Variants in STYXL2 observed in about 807,000 individuals in gnomAD.
The protein encoded by STYXL2 is serine/threonine/tyrosine interacting like 2, also known as serine/threonine/tyrosine-interacting-like protein 2.
In STYXL2, 44 loss-of-function variants were observed where a neutral mutation model predicts 52.4. That is an observed-to-expected ratio of 0.84 (90% confidence interval 0.66 to 1.08). The LOEUF (loss-of-function observed/expected upper bound fraction) is 1.08, where lower values mean the gene tolerates loss of function less well. STYXL2 is among the 50% of genes least tolerant of loss of function. The probability of loss-of-function intolerance (pLI) is 0.00; values close to 1 mark genes in which losing one functional copy is unlikely to be tolerated. For missense variants in STYXL2, 1,604 were observed against 1,471.7 expected, an observed-to-expected ratio of 1.09 and a Z score of -1.47; for synonymous variants, 604 against 586.9, an observed-to-expected ratio of 1.03 and a Z score of -0.42.
At chr1:167,121,873 T>C (rs946296136) in intron 5 of STYXL2, among the ~76,000 whole-genome samples, 4 of 152,196 alleles carry the variant, frequency 2.6e-5, no homozygotes, top group African/African-American at 9.6e-5. Context: ...GCCCTTATTG[T>C]TGCTGTGCTT....
intron 2 of STYXL2, among the ~76,000 whole-genome samples, chr1:167,111,673 C>G (rs1007586145): frequency 6.6e-6 from 1 of 151,504 alleles, no homozygotes; most frequent in Admixed American, 6.6e-5. Context: ...TATGTTTTCA[C>G]TTATAAGTAG....
chr1:167,098,735 G>T (rs554028944), intron 2 of STYXL2, among the ~76,000 whole-genome samples: 48 of 152,304 alleles, frequency 3.2e-4, no homozygotes, highest in Non-Finnish European at 5.7e-4. Context: ...TTCACGTTTG[G>T]CAGTTTATGT....
intron 3 of STYXL2, among the ~76,000 whole-genome samples, chr1:167,114,935 AAATTTC>A (rs1667696745): frequency 1.3e-5 from 2 of 152,166 alleles, no homozygotes; most frequent in African/African-American, 4.8e-5. Context: ...TTGTGGTTGG[AAATTTC>A]CCTAACCTTC....
Position 167,128,265 on chromosome 1 carries a change from C to A in STYXL2, c.3134C>A (p.Thr1045Asn). 1.9e-6 allele frequency: 3 copies of A among 1,614,136 alleles called. No homozygotes were observed. In the African/African-American group the frequency reaches 4.0e-5, roughly 22 times the overall value. The change falls in exon 6 of 6, where the codon ACC becomes AAC. Residue 1045 changes from threonine to asparagine, a missense_variant. Physicochemically the swap from Thr to Asn is moderately conservative, Grantham distance 65. Transcript: ENST00000361200. ...ESPEPYFFRR[T>N]PESSEREESP... is the part of the protein sequence containing the mutation. ...CCAGAGCCCTACTTCTTCCGCCGGA[C>A]CCCAGAGTCCTCAGAAAGGGAAGAG...
intron 5 of STYXL2, among the ~76,000 whole-genome samples, chr1:167,119,898 T>G (rs1379878348): frequency 6.6e-6 from 1 of 152,066 alleles, no homozygotes; most frequent in Non-Finnish European, 1.5e-5. Context: ...GGGCTAGCCA[T>G]GGGAGAACTG....
intron 2 of STYXL2, among the ~76,000 whole-genome samples, chr1:167,109,781 C>G (rs1199039167): frequency 6.6e-6 from 1 of 152,200 alleles, no homozygotes; most frequent in Non-Finnish European, 1.5e-5. Context: ...GCCATTACAA[C>G]AACTCATAAA....
intron 5 of STYXL2, among the ~76,000 whole-genome samples, chr1:167,123,759 A>G (rs1445470432): frequency 2.0e-5 from 3 of 151,850 alleles, no homozygotes; most frequent in Non-Finnish European, 2.9e-5. Flanking sequence ...GAATAGCTGG[A>G]ATTACAGGTG....
intron 2 of STYXL2, among the ~76,000 whole-genome samples, chr1:167,100,072 G>A (rs564292813): frequency 2.6e-5 from 4 of 152,232 alleles, no homozygotes; most frequent in Non-Finnish European, 4.4e-5. Flanking sequence ...TTTGGCAAGG[G>A]CCTCATGCTG....
Position 167,115,194 on chromosome 1 carries a change from G to A in STYXL2, c.205+1390G>A, listed in dbSNP as rs115870527. On this transcript the variant is annotated intron_variant, in intron 3 of 5. Coordinates refer to ENST00000361200, the MANE Select transcript of STYXL2 (RefSeq NM_001080426.3). ...CTTTTCTATTCTTCCCTTCTCTGGG[G>A]GCATCAAACCTAAGTTTCATTAGCC... Among the ~76,000 whole-genome samples, 376 of 152,234 alleles carry A rather than the reference G, an allele frequency of 2.5e-3. 1 individual carries two copies. The highest frequency in any genetic ancestry group is 8.5e-3 in the African/African-American group (351 of 41,536).
intron 5 of STYXL2, among the ~76,000 whole-genome samples, chr1:167,121,273 A>G (rs1287910346): frequency 6.6e-6 from 1 of 152,122 alleles, no homozygotes; most frequent in Non-Finnish European, 1.5e-5. Flanking sequence ...TCGGCCTCCA[A>G]AAGTGCTGGA....
intron 2 of STYXL2, among the ~76,000 whole-genome samples, chr1:167,112,089 C>G (rs1345188289): frequency 1.3e-5 from 2 of 152,136 alleles, no homozygotes; most frequent in Non-Finnish European, 2.9e-5. Flanking sequence ...GTGAACAAAG[C>G]TCACCCTTAA....
Position 167,128,629 on chromosome 1 carries a change from A to G in STYXL2, c.*21A>G. On this transcript the variant is annotated 3_prime_UTR_variant, in exon 6 of 6. Coordinates refer to ENST00000361200, the MANE Select transcript of STYXL2 (RefSeq NM_001080426.3). ...ACTGAGCTGGGGAAAATCTGAGAACACTGAAAGAAACCACTCACGTTAGCA... is the reference window on the plus strand; with the variant it reads ...ACTGAGCTGGGGAAAATCTGAGAACGCTGAAAGAAACCACTCACGTTAGCA... 1.9e-6 allele frequency: 3 copies of G among 1,594,518 alleles called. No homozygotes were observed. The highest frequency in any genetic ancestry group is 2.6e-6 in the Non-Finnish European group (3 of 1,173,984).
At chr1:167,094,599 T>G (rs1038081606) in intron 1 of STYXL2, among the ~76,000 whole-genome samples, 1 of 152,158 alleles carries the variant, frequency 6.6e-6, no homozygotes, top group Admixed American at 6.5e-5. Flanking sequence ...GGAGCCACAC[T>G]GGCACTTCAA....
intron 5 of STYXL2, among the ~76,000 whole-genome samples, chr1:167,125,414 T>C (rs1460575069): frequency 2.0e-5 from 3 of 152,234 alleles, no homozygotes; most frequent in Non-Finnish European, 2.9e-5. Context: ...TGACTTATGA[T>C]GCTTCCCAAC....
At chr1:167,096,023 G>C (rs1667279037) in intron 2 of STYXL2, among the ~76,000 whole-genome samples, 1 of 152,032 alleles carries the variant, frequency 6.6e-6, no homozygotes, top group African/African-American at 2.4e-5. Context: ...ATGTTGGGAG[G>C]CCGAGGTGGG....
intron 5 of STYXL2, among the ~76,000 whole-genome samples, chr1:167,122,633 TC>T (rs1316656956): frequency 1.3e-5 from 2 of 151,968 alleles, no homozygotes; most frequent in African/African-American, 2.4e-5. Context: ...TCTGATGCTC[TC>T]CCCAGTAGCT....
chr1:167,127,608 T>C lies in STYXL2; in HGVS notation c.2477T>C (p.Leu826Pro). ...GGGACCAGCAAGCCCATCTTCAGCC[T>C]CTTTGCTGACAATGTGGACCTAAAG... ...VRGTSKPIFSLFADNVDLKEL... is the reference protein window; with the variant it reads ...VRGTSKPIFSPFADNVDLKEL... Residue 826 changes from leucine (L) to proline (P), a missense_variant, in exon 6 of 6, where the codon CTC becomes CCC. Transcript: ENST00000361200. 1.2e-6 allele frequency: 2 copies of C among 1,614,146 alleles called. No homozygotes were observed. The highest frequency in any genetic ancestry group is 1.3e-5 in the African/African-American group (1 of 75,018).
At chr1:167,116,896 C>G (rs760384729) in intron 3 of STYXL2, among the ~76,000 whole-genome samples, 47 of 152,240 alleles carry the variant, frequency 3.1e-4, no homozygotes, top group Non-Finnish European at 6.2e-4. Context: ...GTCATCTGCC[C>G]ACCTTGGCCT....
rs202090160 is a variant in STYXL2, at chr1:167,125,929, C to A, written c.798C>A (p.Gly266=). The A allele has an allele frequency of 2.5e-6, 4 of 1,614,052 alleles. No individual in the cohort carries two copies. Among genetic ancestry groups the A allele is most frequent in the Non-Finnish European group, 3.4e-6 (4 of 1,180,010 alleles). Reference sequence around the variant, plus strand: ...AGCGGGCCATCTACCCCAATGAGGGCTTCCTGAAGCAGCTGCGGGAGCTCA... The same window carrying A: ...AGCGGGCCATCTACCCCAATGAGGGATTCCTGAAGCAGCTGCGGGAGCTCA... ...RKKRAIYPNE[G]FLKQLRELNE... is the part of the protein sequence containing the mutation. Residue 266 remains glycine, a synonymous_variant, in exon 6 of 6, where the codon GGC becomes GGA. Transcript: ENST00000361200.
Sources: gnomAD v4.1 joint callset for allele counts (sites outside exome capture counted in the v4.1 genomes callset) on GRCh38, gnomAD v4.1.1 for gene constraint, MANE v1.5 for transcripts, NCBI Gene and HGNC (gene_info 2026-07-23, HGNC 2026-07-21) for gene names.